The following ROBO2 variants were observed in gnomAD, a reference collection of about 807,000 sequenced individuals.
ROBO2 encodes roundabout guidance receptor 2, also known as roundabout homolog 2.
ROBO2 carries 53 observed loss-of-function variants against 160.8 expected under a neutral mutation model. The observed-to-expected ratio is 0.33, with a 90% CI of 0.26 to 0.41. The LOEUF (loss-of-function observed/expected upper bound fraction) is 0.41, where lower values mean the gene tolerates loss of function less well. Among genes scored for constraint, ROBO2 ranks in the 10% least tolerant of loss-of-function variants. ROBO2 has a pLI of 1.00. For missense variants in ROBO2, 1,577 were observed against 1,722.4 expected (o/e 0.92, Z 1.49); for synonymous variants, 664 against 611.7 (o/e 1.09, Z -1.26).
intron 2 of ROBO2, among the ~76,000 whole-genome samples, chr3:76,871,186 A>G (rs2148677198): frequency 6.6e-6 from 1 of 152,362 alleles, no homozygotes; most frequent in Admixed American, 6.5e-5. Context: ...TTCCTTAAAT[A>G]ACCGTATACT....
intron 5 of ROBO2, among the ~76,000 whole-genome samples, chr3:77,511,066 G>T (rs550853203): frequency 6.6e-6 from 1 of 152,070 alleles, no homozygotes; most frequent in South Asian, 2.1e-4. Flanking sequence ...TTTGTGAGGG[G>T]TTATTTTAGA....
At chr3:76,634,413 C>G (rs2090197601) in intron 2 of ROBO2, among the ~76,000 whole-genome samples, 1 of 152,034 alleles carries the variant, frequency 6.6e-6, no homozygotes, top group South Asian at 2.1e-4. Flanking sequence ...ACTAAAACAA[C>G]AAAAATTAGC....
chr3:77,617,001 G>C (rs2094794165), intron 21 of ROBO2, among the ~76,000 whole-genome samples: 1 of 152,166 alleles, frequency 6.6e-6, no homozygotes, highest in African/African-American at 2.4e-5. Flanking sequence ...GAGAATCAAA[G>C]AGATACTGAA....
At position 77,294,603 on chromosome 3, in the gene ROBO2, A is replaced by C. The variant is rs1430044986; in HGVS notation, c.389-182811A>C. On this transcript the variant is annotated intron_variant, in intron 2 of 25. Coordinates refer to ENST00000461745, the Ensembl canonical transcript of ROBO2. ...CAGGTAAGCTGAGGCTAGATCATCA[A>C]AGACATAAAGTAAAATTGACGGTTA... Among the ~76,000 whole-genome samples, 352 of 147,320 alleles carry C rather than the reference A, an allele frequency of 2.4e-3. 22 individuals carry two copies. The highest frequency in any genetic ancestry group is 8.9e-3 in the African/African-American group (335 of 37,654).
intron 2 of ROBO2, among the ~76,000 whole-genome samples, chr3:76,752,216 C>T (rs1408077384): frequency 6.6e-6 from 1 of 151,464 alleles, no homozygotes; most frequent in Admixed American, 6.6e-5. Flanking sequence ...CATGTTCTCA[C>T]TCATAGGTGG....
chr3:77,322,051 T>A (rs1560529571), intron 2 of ROBO2, among the ~76,000 whole-genome samples: 1 of 152,136 alleles, frequency 6.6e-6, no homozygotes. Context: ...AGACTTGTTG[T>A]TAATAACTTT....
rs530577548 is a variant in ROBO2 at position 77,647,451 on chromosome 3, G to C, written c.*1396G>C. The C allele has an allele frequency of 2.0e-5, 3 of 151,946 alleles. No homozygotes were observed. In the East Asian group the frequency reaches 5.8e-4, roughly 29 times the overall value. 9.4% of individuals were successfully genotyped at this position (151,946 alleles called of 1,614,324 possible). On this transcript the variant is annotated 3_prime_UTR_variant, in exon 26 of 26. Coordinates refer to ENST00000461745, the Ensembl canonical transcript of ROBO2. The stretch of plus-strand genomic sequence containing the variant: ...GAAATTGAAAAGAAAAATTTAAAAG[G>C]AGAAAAAAATGCATGTTTATAAACT...
intron 2 of ROBO2, among the ~76,000 whole-genome samples, chr3:76,074,274 T>C (rs866240366): frequency 6.6e-6 from 1 of 152,184 alleles, no homozygotes; most frequent in Non-Finnish European, 1.5e-5. Flanking sequence ...GCAGATAATA[T>C]GGCAGGGGTT....
intron 21 of ROBO2, among the ~76,000 whole-genome samples, chr3:77,612,717 T>G (rs1440580561): frequency 1.3e-5 from 2 of 152,070 alleles, no homozygotes; most frequent in Admixed American, 6.6e-5. Flanking sequence ...GAGGCCAAGA[T>G]GGGCAGATCA....
intron 2 of ROBO2, among the ~76,000 whole-genome samples, chr3:76,502,244 C>T (rs2080499831): frequency 6.6e-6 from 1 of 152,122 alleles, no homozygotes; most frequent in African/African-American, 2.4e-5. Flanking sequence ...CAGTAGAATA[C>T]AGCTGCTCCT....
chr3:76,071,447 T>C (rs6780479), intron 2 of ROBO2, among the ~76,000 whole-genome samples: 95,574 of 152,050 alleles, frequency 0.63, 30,691 homozygotes, highest in Middle Eastern at 0.76. Flanking sequence ...AAGTATAAAA[T>C]GTTATGAACT....
intron 2 of ROBO2, among the ~76,000 whole-genome samples, chr3:77,033,941 G>T (rs539332884): frequency 6.6e-6 from 1 of 151,964 alleles, no homozygotes; most frequent in South Asian, 2.1e-4. Flanking sequence ...ATCCAGTGAC[G>T]TGAGGGGTTC....
At chr3:77,617,771 A>G in exon 22 of ROBO2, 1 of 1,611,718 alleles carries the variant, frequency 6.2e-7, no homozygotes, top group Non-Finnish European at 8.5e-7. Flanking sequence ...CAAAACAAAC[A>G]TGGTAAATAT....
intron 2 of ROBO2, among the ~76,000 whole-genome samples, chr3:77,417,467 A>C (rs12490828): frequency 0.19 from 29,382 of 151,966 alleles, 3,584 homozygotes; most frequent in Non-Finnish European, 0.27. Context: ...AAATGATAAT[A>C]GTTTTAAGAT....
At position 76,125,875 on chromosome 3, in the gene ROBO2, C is replaced by T. The variant is rs12637987; in HGVS notation, c.109+188273C>T. On this transcript the variant is annotated intron_variant, in intron 2 of 26. Coordinates refer to the ROBO2 transcript ENST00000487694. ...GGAGTCTTGCTTTGTTGCCCAGGCTCGAGTGCAATGGCATGATCTCAGCTC... is the reference window on the plus strand; with the variant it reads ...GGAGTCTTGCTTTGTTGCCCAGGCTTGAGTGCAATGGCATGATCTCAGCTC... 2.6e-3 allele frequency among the ~76,000 whole-genome samples: 392 copies of T among 152,106 alleles called. 2 individuals carry two copies. The highest frequency in any genetic ancestry group is 9.0e-3 in the African/African-American group (372 of 41,498).
intron 2 of ROBO2, among the ~76,000 whole-genome samples, chr3:76,979,794 T>A (rs2060004071): frequency 6.6e-6 from 1 of 152,082 alleles, no homozygotes; most frequent in Non-Finnish European, 1.5e-5. Context: ...TTAGTTTCCC[T>A]ATGCATTTTG....
intron 2 of ROBO2, among the ~76,000 whole-genome samples, chr3:76,017,302 T>G (rs1293860161): frequency 3.9e-5 from 6 of 152,138 alleles, no homozygotes; most frequent in African/African-American, 1.4e-4. Flanking sequence ...CCTACCGACT[T>G]TGTGACAGCT....
intron 2 of ROBO2, among the ~76,000 whole-genome samples, chr3:76,868,251 C>T (rs1339377069): frequency 6.6e-6 from 1 of 152,172 alleles, no homozygotes; most frequent in Non-Finnish European, 1.5e-5. Context: ...TACAGTTCTT[C>T]TTGAATTTCA....
At chr3:76,638,910 C>T (rs947726382) in intron 2 of ROBO2, among the ~76,000 whole-genome samples, 3 of 152,132 alleles carry the variant, frequency 2.0e-5, no homozygotes, top group East Asian at 1.9e-4. Context: ...ACAGTTTTAG[C>T]GCTCACAGTC....
Sources: gnomAD v4.1 joint callset for allele counts (sites outside exome capture counted in the v4.1 genomes callset) on GRCh38, gnomAD v4.1.1 for gene constraint, MANE v1.5 for transcripts, NCBI Gene and HGNC (gene_info 2026-07-23, HGNC 2026-07-21) for gene names.